Variants in PGAP2 observed in about 807,000 individuals in gnomAD.
The protein encoded by PGAP2 is acyltransferase PGAP2.
Under a neutral mutation model 33.2 loss-of-function variants are expected in PGAP2, and 21 were observed. The observed-to-expected ratio is 0.63, with a 90% confidence interval of 0.45 to 0.91. PGAP2 has a LOEUF of 0.91. PGAP2 is among the 40% of genes least tolerant of loss of function. The pLI is 0.00. For synonymous variants in PGAP2, 161 were observed against 172.9 expected, an observed-to-expected ratio of 0.93 and a Z score of 0.54; for missense variants, 345 against 424.0, an observed-to-expected ratio of 0.81 and a Z score of 1.64.
intron 3 of PGAP2, chr11:3,822,827 G>T: frequency 1.3e-6 from 1 of 745,198 alleles, no homozygotes; most frequent in South Asian, 1.9e-5. Context: ...CCCTTGTTCA[G>T]TCATCCCCCA....
At chr11:3,799,420 C>G (rs1202442596) in intron 1 of PGAP2, among the ~76,000 whole-genome samples, 1 of 151,966 alleles carries the variant, frequency 6.6e-6, no homozygotes, top group Non-Finnish European at 1.5e-5. Context: ...CACCTATAAT[C>G]CCAGCTGCTT....
In PGAP2 at chr11:3,803,035, C is replaced by G. The variant is rs528916601; in HGVS notation, c.139+5053C>G. On this transcript the variant is annotated intron_variant, in intron 1 of 6. Transcript: ENST00000300730. Reference sequence around the variant, plus strand: ...TGGAGACAGAGTCTCACTCTGTCACCCAGGCTGGAGTGCAGTGGTGTGATC... The same window carrying G: ...TGGAGACAGAGTCTCACTCTGTCACGCAGGCTGGAGTGCAGTGGTGTGATC... Among the ~76,000 whole-genome samples, 185 of 150,286 alleles carry G rather than the reference C, an allele frequency of 1.2e-3. 2 individuals are homozygous for G. The highest frequency in any genetic ancestry group is 2.0e-3 in the Non-Finnish European group (138 of 67,540).
At chr11:3,824,856 AAC>A in intron 5 of PGAP2, 162 bp from the exon 6 acceptor site, 1 of 1,449,124 alleles carries the variant, frequency 6.9e-7, no homozygotes, top group South Asian at 1.5e-5. Flanking sequence ...CAGGGACGTG[AAC>A]ACATAGTCGT....
chr11:3,814,164 C>T lies in PGAP2; in HGVS notation c.165+2740C>T, dbSNP rs555262709. ...TGTAATTGATTACTTTGCCTCTGCT[C>T]GCATATCCCCAGTGATGGGGAGCTT... On this transcript the variant is annotated intron_variant, in intron 2 of 6. Coordinates refer to ENST00000278243, the MANE Select transcript of PGAP2 (RefSeq NM_014489.4). Among the ~76,000 whole-genome samples, 337 of 152,338 alleles carry T rather than the reference C, an allele frequency of 2.2e-3. 2 individuals carry two copies. Among genetic ancestry groups the T allele is most frequent in the Non-Finnish European group, 3.9e-3 (262 of 68,030 alleles).
chr11:3,814,836 T>C (rs1223506831), intron 2 of PGAP2, among the ~76,000 whole-genome samples: 1 of 150,536 alleles, frequency 6.6e-6, no homozygotes, highest in Non-Finnish European at 1.5e-5. Context: ...TTTTCTTTTT[T>C]TCCTTCTTTC....
intron 1 of PGAP2, among the ~76,000 whole-genome samples, chr11:3,810,692 T>TCCC (rs2085363033): frequency 1.3e-5 from 2 of 152,170 alleles, no homozygotes; most frequent in Non-Finnish European, 2.9e-5. Context: ...GGCTTGGGGT[T>TCCC]CTGTCAGCTT....
At chr11:3,822,114 C>T (rs1410868151) in intron 3 of PGAP2, among the ~76,000 whole-genome samples, 1 of 151,974 alleles carries the variant, frequency 6.6e-6, no homozygotes, top group South Asian at 2.1e-4. Flanking sequence ...TCTGTAATTC[C>T]AGCACTTTGG....
intron 2 of PGAP2, 104 bp from the exon 3 acceptor site, chr11:3,817,249 C>T (rs2087251748): frequency 1.2e-6 from 1 of 851,014 alleles, no homozygotes; most frequent in South Asian, 1.6e-5. Flanking sequence ...CCTTTCTGCT[C>T]TGGCTTTTCC....
intron 2 of PGAP2, among the ~76,000 whole-genome samples, chr11:3,813,823 T>G (rs1320575039): frequency 6.6e-6 from 1 of 152,224 alleles, no homozygotes; most frequent in Non-Finnish European, 1.5e-5. Context: ...CTAGGCTGTT[T>G]GCTCTGCCCC....
intron 1 of PGAP2, chr11:3,798,168 G>T (rs1441253764): frequency 7.2e-7 from 1 of 1,383,392 alleles, no homozygotes; most frequent in Non-Finnish European, 9.4e-7. Context: ...ATTCTCTCCT[G>T]ACCCATGCTC....
At chr11:3,808,167 A>G (rs1249763204), upstream of PGAP2, 3 of 1,469,204 alleles carry the variant, frequency 2.0e-6, no homozygotes, top group Non-Finnish European at 2.8e-6. Flanking sequence ...CTGGGAGGAA[A>G]CTGGCTTAAT....
chr11:3,814,964 G>T (rs547661850), intron 2 of PGAP2, among the ~76,000 whole-genome samples: 2 of 137,150 alleles, frequency 1.5e-5, no homozygotes, highest in African/African-American at 2.8e-5. Context: ...TTGAGGCAGG[G>T]TCTTGCTCTG....
In PGAP2 at chr11:3,825,010, C is replaced by T. The variant is rs755185048; in HGVS notation, c.709-10C>T. 5.6e-6 allele frequency: 9 copies of T among 1,614,110 alleles called. No individual in the cohort carries two copies. The highest frequency in any genetic ancestry group is 2.2e-5 in the East Asian group (1 of 44,884). On this transcript the variant is annotated splice_polypyrimidine_tract_variant and intron_variant, in intron 5 of 6. Transcript: ENST00000278243. ...CAAGCTGCAGAGTGATCAGACAGCC[C>T]ATTCCCTAGGATCGCAAGTCCTACA...
chr11:3,806,587 T>C (rs931565927), upstream of PGAP2, among the ~76,000 whole-genome samples: 1 of 152,114 alleles, frequency 6.6e-6, no homozygotes, highest in African/African-American at 2.4e-5. Context: ...GGCAAATTAA[T>C]CAACAAATGC....
chr11:3,810,933 G>A (rs2085424917), intron 1 of PGAP2, among the ~76,000 whole-genome samples: 1 of 152,206 alleles, frequency 6.6e-6, no homozygotes, highest in Non-Finnish European at 1.5e-5. Context: ...CTTATTTAAA[G>A]CAGCTTCTCT....
At chr11:3,798,320 C>T (rs555126313) in intron 1 of PGAP2, among the ~76,000 whole-genome samples, 1 of 152,264 alleles carries the variant, frequency 6.6e-6, no homozygotes, top group South Asian at 2.1e-4. Context: ...GTGGAGAACC[C>T]CTAATTCTTT....
rs1027867218 is a variant in PGAP2 at position 3,825,628 on chromosome 11, C to T, written c.*170C>T. Reference sequence around the variant, plus strand: ...CACCCCAGTGCTGCTGGCTTCTCCTCTCCACCCCTCATATGGGCGTGGGGT... The same window carrying T: ...CACCCCAGTGCTGCTGGCTTCTCCTTTCCACCCCTCATATGGGCGTGGGGT... On this transcript the variant is annotated 3_prime_UTR_variant, in exon 7 of 7. Coordinates refer to ENST00000278243, the MANE Select transcript of PGAP2 (RefSeq NM_014489.4). 5 of 629,012 alleles carry T rather than the reference C, an allele frequency of 7.9e-6. No individual in the cohort carries two copies. Among genetic ancestry groups the T allele is most frequent in the Non-Finnish European group, 1.3e-5 (5 of 372,702 alleles). 39.0% of individuals were successfully genotyped at this position (629,012 alleles called of 1,614,324 possible).
chr11:3,821,756 T>TA (rs145934388), intron 3 of PGAP2, among the ~76,000 whole-genome samples: 13,861 of 141,910 alleles, frequency 0.098, 869 homozygotes, highest in Middle Eastern at 0.17. Context: ...AGACTCCATC[T>TA]CAAAAAAAAA....
At position 3,808,615 on chromosome 11, in the gene PGAP2, C is replaced by A. The variant is rs992542223; in HGVS notation, c.-47C>A. The stretch of plus-strand genomic sequence containing the variant: ...CCCCCGACCCCGGGCCACCTGGGCC[C>A]CCGGGTTCCGCCGGCACTCTCGCCA... On this transcript the variant is annotated 5_prime_UTR_variant, in exon 1 of 7. Transcript: ENST00000278243. 4 of 1,321,238 alleles carry A rather than the reference C, an allele frequency of 3.0e-6. No homozygotes were observed. The African/African-American group carries it at 4.6e-5, about 15-fold the overall frequency. The allele number at this position is 1,321,238 out of a possible 1,614,324, so 81.8% of individuals were successfully genotyped here.
Sources: allele counts gnomAD v4.1 joint callset (sites outside exome capture counted in the v4.1 genomes callset), GRCh38; gene constraint gnomAD v4.1.1; transcripts MANE v1.5; gene names NCBI Gene and HGNC (gene_info 2026-07-23, HGNC 2026-07-21).